BABAM2: variants seen among roughly 807,000 people sequenced by gnomAD.
The protein encoded by BABAM2 is BRISC and BRCA1 A complex member 2.
A neutral mutation model predicts 54.7 loss-of-function variants in BABAM2; 31 were observed. The observed-to-expected ratio is 0.57, with a 90% CI of 0.43 to 0.77. The LOEUF is 0.77. Among genes scored for constraint, BABAM2 ranks in the 30% least tolerant of loss-of-function variants. The pLI, the probability that BABAM2 is intolerant of heterozygous loss-of-function variation, is 0.00. For synonymous variants in BABAM2, 167 were observed against 162.9 expected, an observed-to-expected ratio of 1.03 and a Z score of -0.19; for missense variants, 364 against 455.8, an observed-to-expected ratio of 0.80 and a Z score of 1.83.
chr2:28,288,904 G>A (rs1372856428), intron 10 of BABAM2, among the ~76,000 whole-genome samples: 1 of 151,450 alleles, frequency 6.6e-6, no homozygotes, highest in South Asian at 2.1e-4. Context: ...TCCAGACCAT[G>A]AGCTCAAGGG....
chr2:28,294,116 C>T (rs998507662), intron 10 of BABAM2, among the ~76,000 whole-genome samples: 2 of 152,050 alleles, frequency 1.3e-5, no homozygotes, highest in African/African-American at 4.8e-5. Flanking sequence ...CATGGTGGCT[C>T]ATGCCTGTAA....
rs114555738 is a variant in BABAM2, at chr2:28,231,143, G to A, written c.681-6059G>A. Among the ~76,000 whole-genome samples the A allele has an allele frequency of 3.4e-3, 517 of 152,208 alleles. 2 individuals carry two copies. The highest frequency in any genetic ancestry group is 0.012 in the African/African-American group (494 of 41,518). On this transcript the variant is annotated intron_variant, in intron 7 of 11. Transcript: ENST00000379624. ...GTCAGTTTTCTCATCTGTAAATGGG[G>A]CTAATTAGGTCTACACGGCAGGGTT...
intron 11 of BABAM2, among the ~76,000 whole-genome samples, chr2:28,326,646 C>G (rs191930481): frequency 1.3e-5 from 2 of 152,158 alleles, no homozygotes; most frequent in Admixed American, 1.3e-4. Context: ...GCTCACGCTC[C>G]GCCTACTAGC....
At position 27,896,865 on chromosome 2, in the gene BABAM2, C is replaced by T. The variant is rs138172153; in HGVS notation, c.128+2181C>T. The T allele has an allele frequency of 3.5e-5, 7 of 201,798 alleles. No homozygotes were observed. The Admixed American group carries it at 3.6e-4, about 10-fold the overall frequency. The allele number at this position is 201,798 out of a possible 1,614,324, so 12.5% of individuals were successfully genotyped here. On this transcript the variant is annotated intron_variant, in intron 2 of 11. Transcript: ENST00000379624. Reference sequence around the variant, plus strand: ...CCATTGCTTCCCAGGTGACAGGGAGCTCGTGGTCTCTGTGAAAGATCTCTG... The same window carrying T: ...CCATTGCTTCCCAGGTGACAGGGAGTTCGTGGTCTCTGTGAAAGATCTCTG...
At chr2:27,915,068 G>T (rs1340805404) in intron 2 of BABAM2, among the ~76,000 whole-genome samples, 1 of 152,064 alleles carries the variant, frequency 6.6e-6, no homozygotes, top group Non-Finnish European at 1.5e-5. Flanking sequence ...GGCTCCATTA[G>T]ATTTGCTTTA....
At chr2:28,218,814 G>A (rs1452737921) in intron 7 of BABAM2, among the ~76,000 whole-genome samples, 1 of 151,994 alleles carries the variant, frequency 6.6e-6, no homozygotes, top group African/African-American at 2.4e-5. Context: ...TTATTAGTTG[G>A]CTTTCTACTG....
At chr2:28,241,573 C>T (rs1446941073) in intron 9 of BABAM2, among the ~76,000 whole-genome samples, 180 bp downstream of exon 9, 2 of 152,076 alleles carry the variant, frequency 1.3e-5, no homozygotes, top group African/African-American at 4.8e-5. Flanking sequence ...TGGCTTACTG[C>T]AACCTCCACT....
In BABAM2 at chr2:28,033,651, A is replaced by G. The variant is rs374096613; in HGVS notation, c.495+8231A>G. 2.6e-5 allele frequency among the ~76,000 whole-genome samples: 4 copies of G among 152,346 alleles called. No individual in the cohort carries two copies. The East Asian group carries it at 7.7e-4, about 29-fold the overall frequency. Reference sequence around the variant, plus strand: ...ACTGCCACATTGGGGGTTAAATTTCAGCATGAGTTTTGGAGAGGACAGATA... The same window carrying G: ...ACTGCCACATTGGGGGTTAAATTTCGGCATGAGTTTTGGAGAGGACAGATA... On this transcript the variant is annotated intron_variant, in intron 5 of 11. Coordinates refer to ENST00000379624, the MANE Select transcript of BABAM2 (RefSeq NM_199191.3).
At chr2:27,975,851 TA>T (rs1392033346) in intron 3 of BABAM2, among the ~76,000 whole-genome samples, 6 of 151,974 alleles carry the variant, frequency 3.9e-5, no homozygotes, top group African/African-American at 1.4e-4. Flanking sequence ...AAGTCAACAT[TA>T]AGAAAACCAA....
chr2:28,254,291 C>T (rs1448830412), intron 10 of BABAM2, among the ~76,000 whole-genome samples: 2 of 152,150 alleles, frequency 1.3e-5, no homozygotes, highest in Admixed American at 6.5e-5. Flanking sequence ...CATGTGCCAC[C>T]ATGACCAAAT....
At chr2:28,197,097 C>T (rs1415466306) in intron 7 of BABAM2, among the ~76,000 whole-genome samples, 1 of 151,800 alleles carries the variant, frequency 6.6e-6, no homozygotes, top group Non-Finnish European at 1.5e-5. Context: ...CATAATCCAC[C>T]CAACCTACAC....
intron 10 of BABAM2, among the ~76,000 whole-genome samples, chr2:28,288,109 G>A (rs1416557221): frequency 6.6e-6 from 1 of 152,106 alleles, no homozygotes; most frequent in Admixed American, 6.5e-5. Flanking sequence ...CTAGAAAAGA[G>A]GTATTTCTGA....
At chr2:28,062,221 G>T (rs1678930767) in intron 6 of BABAM2, among the ~76,000 whole-genome samples, 1 of 147,922 alleles carries the variant, frequency 6.8e-6, no homozygotes, top group Admixed American at 6.8e-5. Context: ...TTGTGCCACT[G>T]CATGCCAGCC....
intron 4 of BABAM2, among the ~76,000 whole-genome samples, chr2:28,024,835 C>T (rs1318438477): frequency 6.6e-6 from 1 of 152,124 alleles, no homozygotes; most frequent in African/African-American, 2.4e-5. Context: ...ATTACTTTAG[C>T]ATATAATGCT....
chr2:28,111,125 C>T (rs533382816), intron 6 of BABAM2, among the ~76,000 whole-genome samples: 3 of 150,506 alleles, frequency 2.0e-5, no homozygotes, highest in Non-Finnish European at 3.0e-5. Context: ...TGCACCACCA[C>T]GCCTGGCTAT....
Position 28,047,594 on chromosome 2 carries a change from T to C in BABAM2, c.570+1795T>C, listed in dbSNP as rs571349998. On this transcript the variant is annotated intron_variant, in intron 6 of 11. Transcript: ENST00000379624. ...CATATTTATCTCTTCAGCATCAAAT[T>C]ATCATATTTTTATTTTAAGAATTCT... Among the ~76,000 whole-genome samples the C allele has an allele frequency of 6.4e-4, 97 of 150,942 alleles. No individual in the cohort carries two copies. The South Asian group carries it at 0.015, about 23-fold the overall frequency.
chr2:28,098,420 A>G (rs1440706826), intron 6 of BABAM2, among the ~76,000 whole-genome samples: 1 of 152,230 alleles, frequency 6.6e-6, no homozygotes, highest in Non-Finnish European at 1.5e-5. Flanking sequence ...TTTAGCTAAC[A>G]CTAGTTATTT....
intron 7 of BABAM2, among the ~76,000 whole-genome samples, chr2:28,229,734 A>G (rs1681203312): frequency 6.6e-6 from 1 of 151,924 alleles, no homozygotes; most frequent in Non-Finnish European, 1.5e-5. Context: ...ACAGGTGTGC[A>G]CCACCACACA....
rs185524914 is a variant in BABAM2, at chr2:27,894,940, C to T, written c.128+256C>T. On this transcript the variant is annotated intron_variant, in intron 2 of 11. Coordinates refer to ENST00000379624, the MANE Select transcript of BABAM2 (RefSeq NM_199191.3). ...TTTTCTGTTTTTTCTTTGTGAAGAG[C>T]ATGCCGTCAGAGTTTTAAAAGTGTG... 56 of 425,182 alleles carry T rather than the reference C, an allele frequency of 1.3e-4. 1 individual carries two copies. In the East Asian group the frequency reaches 1.7e-3, roughly 13 times the overall value. The allele number at this position is 425,182 out of a possible 1,614,324, so 26.3% of individuals were successfully genotyped here. A position where few individuals can be genotyped will look rare whatever the true frequency, so the allele number is the denominator to read the frequency against.
Sources: allele counts gnomAD v4.1 joint callset (sites outside exome capture counted in the v4.1 genomes callset), GRCh38; gene constraint gnomAD v4.1.1; transcripts MANE v1.5; gene names NCBI Gene and HGNC (gene_info 2026-07-23, HGNC 2026-07-21).